Variants in SLC14A2 observed in about 807,000 individuals in gnomAD.
The protein encoded by SLC14A2 is solute carrier family 14 member 2, also known as urea transporter 2.
SLC14A2 carries 91 observed loss-of-function variants against 104.6 expected under a neutral mutation model. That is an observed-to-expected ratio of 0.87 (90% CI 0.73 to 1.04). The LOEUF is 1.04. Ranked by LOEUF, SLC14A2 falls within the 50% of genes least tolerant of loss-of-function variation. SLC14A2 has a pLI of 0.00. For synonymous variants in SLC14A2, 476 were observed against 466.4 expected (o/e 1.02, Z -0.27); for missense variants, 1,189 against 1,156.0 (o/e 1.03, Z -0.41).
At chr18:45,667,173 G>T in intron 13 of SLC14A2, 79 bp downstream of exon 13, 1 of 1,191,340 alleles carries the variant, frequency 8.4e-7, no homozygotes, top group South Asian at 1.4e-5. Context: ...CATTGCCATG[G>T]GGGTTCCCTA....
At chr18:45,514,605 G>C (rs972315485) in intron 2 of SLC14A2, among the ~76,000 whole-genome samples, 4 of 152,156 alleles carry the variant, frequency 2.6e-5, no homozygotes, top group Admixed American at 6.6e-5. Context: ...GCCTACATTA[G>C]GTGAGCATCC....
rs529920929 is a variant in SLC14A2, at chr18:45,444,326, C to T, written c.-124-38907C>T. Among the ~76,000 whole-genome samples, 18 of 152,272 alleles carry T rather than the reference C, an allele frequency of 1.2e-4. No homozygotes were observed. In the South Asian group the frequency reaches 3.5e-3, roughly 30 times the overall value. On this transcript the variant is annotated intron_variant, in intron 1 of 20. Transcript: ENST00000586448. ...TCTGTAAAGTGAGTGGATGCACTAC[C>T]TTCTCCCTGTGGACCCTGCCAGTTC... is the stretch of plus-strand genomic sequence containing the variant.
At chr18:45,568,296 T>A (rs2044295649) in intron 2 of SLC14A2, among the ~76,000 whole-genome samples, 1 of 152,234 alleles carries the variant, frequency 6.6e-6, no homozygotes, top group Non-Finnish European at 1.5e-5. Context: ...ATGAGCTCTA[T>A]GGGCACAGCC....
At position 45,632,382 on chromosome 18, in the gene SLC14A2, A is replaced by G; in HGVS notation, c.554A>G (p.Asn185Ser). The change falls in exon 5 of 20, where the codon AAC becomes AGC. Residue 185 changes from asparagine to serine, a missense_variant. By Grantham distance (46) the Asn-to-Ser change is conservative. Coordinates refer to ENST00000255226, the MANE Select transcript of SLC14A2 (RefSeq NM_007163.4). ...SAIASGLHGY[N>S]GMLVGLLMAV... ...ATTGCCTCAGGACTCCATGGGTACA[A>G]CGGGATGCTGGTGGGACTGCTGATG... 6.2e-7 allele frequency: 1 copy of G among 1,614,044 alleles called. No homozygotes were observed. The highest frequency in any genetic ancestry group is 1.1e-5 in the South Asian group (1 of 91,064).
intron 1 of SLC14A2, among the ~76,000 whole-genome samples, chr18:45,223,515 T>A (rs1035098725): frequency 6.6e-6 from 1 of 152,172 alleles, no homozygotes; most frequent in Non-Finnish European, 1.5e-5. Context: ...TAATGGATAG[T>A]CAGAGAGGAA....
chr18:45,589,533 CTTTT>C (rs775689932), intron 2 of SLC14A2, among the ~76,000 whole-genome samples: 3 of 142,504 alleles, frequency 2.1e-5, no homozygotes, highest in South Asian at 4.6e-4. Flanking sequence ...CCCCACTCCC[CTTTT>C]TTTATTTGGA....
At chr18:45,674,144 C>CA (rs2046188884) in intron 18 of SLC14A2, among the ~76,000 whole-genome samples, 2 of 152,202 alleles carry the variant, frequency 1.3e-5, no homozygotes, top group African/African-American at 4.8e-5. Flanking sequence ...ACAGACCCTT[C>CA]AAATGACTCC....
Position 45,643,030 on chromosome 18 carries a change from G to A in SLC14A2, c.1127-102G>A, listed in dbSNP as rs2045555900. On this transcript the variant is annotated intron_variant, in intron 8 of 19. Coordinates refer to ENST00000255226, the MANE Select transcript of SLC14A2 (RefSeq NM_007163.4). ...AGAATCTGAGGCTGCAGGAGAGAGG[G>A]TGGGGCTCCTGTTCTTGGTCTGGGC... The A allele has an allele frequency of 1.3e-5, 13 of 966,570 alleles. No homozygotes were observed. In the Admixed American group the frequency reaches 1.8e-4, roughly 13 times the overall value. 59.9% of individuals were successfully genotyped at this position (966,570 alleles called of 1,614,324 possible). A position where few individuals can be genotyped will look rare whatever the true frequency, so the allele number is the denominator to read the frequency against.
At chr18:45,414,791 TATATAG>T (rs1465939170) in intron 1 of SLC14A2, among the ~76,000 whole-genome samples, 1 of 115,270 alleles carries the variant, frequency 8.7e-6, no homozygotes, top group Non-Finnish European at 1.8e-5. Flanking sequence ...TATATATATA[TATATAG>T]AAAAGTACAG....
chr18:45,175,015 T>C, the SLC14A2 span, among the ~76,000 whole-genome samples: 12 of 152,104 alleles, frequency 7.9e-5, no homozygotes, highest in Non-Finnish European at 1.5e-4. Flanking sequence ...TTTTAGACAT[T>C]GCTGGTGGGA....
rs568501853 is a variant in SLC14A2 at position 45,459,399 on chromosome 18, T to C, written c.-124-23834T>C. On this transcript the variant is annotated intron_variant, in intron 1 of 20. Coordinates refer to the SLC14A2 transcript ENST00000586448. ...GTGCTGTTGTGCCCTCACCTCCCTATTTCAAAGAGACTTTACCCTTCAGAG... is the reference window on the plus strand; with the variant it reads ...GTGCTGTTGTGCCCTCACCTCCCTACTTCAAAGAGACTTTACCCTTCAGAG... 8.5e-5 allele frequency among the ~76,000 whole-genome samples: 13 copies of C among 152,266 alleles called. No individual in the cohort carries two copies. The South Asian group carries it at 2.5e-3, about 29-fold the overall frequency.
chr18:45,570,940 T>C (rs2044336621), intron 2 of SLC14A2, among the ~76,000 whole-genome samples: 1 of 152,228 alleles, frequency 6.6e-6, no homozygotes, highest in Admixed American at 6.5e-5. Flanking sequence ...GCCATGCATG[T>C]AGTAGGCACT....
rs542444782 is a variant in SLC14A2 at position 45,423,332 on chromosome 18, A to G, written c.-124-59901A>G. 7.2e-5 allele frequency among the ~76,000 whole-genome samples: 11 copies of G among 152,338 alleles called. No homozygotes were observed. The South Asian group carries it at 2.3e-3, about 32-fold the overall frequency. On this transcript the variant is annotated intron_variant, in intron 1 of 20. Transcript: ENST00000586448. ...ATAGTCAGGAAGCAGTAGCTGAAGT[A>G]CAGAGAAATCTCTGCGACAGTTTGA... is the stretch of plus-strand genomic sequence containing the variant.
chr18:45,321,323 AT>A (rs1252498680), intron 1 of SLC14A2, among the ~76,000 whole-genome samples: 3 of 152,252 alleles, frequency 2.0e-5, no homozygotes, highest in African/African-American at 4.8e-5. Flanking sequence ...ATCCAGAAAT[AT>A]TGTCATACGA....
In SLC14A2 at chr18:45,379,775, C is replaced by T. The variant is rs530759737; in HGVS notation, c.-124-103458C>T. On this transcript the variant is annotated intron_variant, in intron 1 of 20. Transcript: ENST00000586448. ...AATCCTCCCCACTGAGTCTCCCGTC[C>T]TCTAATTTTGTTGTTATCCCAGAAC... Among the ~76,000 whole-genome samples, 368 of 152,288 alleles carry T rather than the reference C, an allele frequency of 2.4e-3. 1 individual carries two copies. Among genetic ancestry groups the T allele is most frequent in the African/African-American group, 8.5e-3 (352 of 41,566 alleles).
At chr18:45,516,580 G>A (rs1020199216) in intron 2 of SLC14A2, among the ~76,000 whole-genome samples, 1 of 152,180 alleles carries the variant, frequency 6.6e-6, no homozygotes, top group African/African-American at 2.4e-5. Flanking sequence ...ATATGCAGGG[G>A]AGGAGATTCC....
At position 45,666,214 on chromosome 18, in the gene SLC14A2, C is replaced by G. The variant is rs1380789776; in HGVS notation, c.1552C>G (p.Leu518Val). The change falls in exon 12 of 20, where the codon CTG (leucine) becomes GTG (valine). Residue 518 changes from leucine to valine, a missense_variant. Leu to Val is a conservative substitution (Grantham distance 32). Transcript: ENST00000255226. Reference sequence around the variant, plus strand: ...TCGATACCGGAAGCCCACAGTCGAGCTGCTTGTGAGTACTGAGTGTCCTGA... The same window carrying G: ...TCGATACCGGAAGCCCACAGTCGAGGTGCTTGTGAGTACTGAGTGTCCTGA... ...PYRYRKPTVE[L>V]LDLDTMEESS... The G allele has an allele frequency of 2.5e-6, 4 of 1,609,328 alleles. No homozygotes were observed. The highest frequency in any genetic ancestry group is 3.4e-6 in the Non-Finnish European group (4 of 1,175,746).
At chr18:45,419,847 T>C (rs1451814028) in intron 1 of SLC14A2, among the ~76,000 whole-genome samples, 1 of 152,166 alleles carries the variant, frequency 6.6e-6, no homozygotes, top group Non-Finnish European at 1.5e-5. Flanking sequence ...CCTTTGCACT[T>C]TCAGTAGAGT....
intron 5 of SLC14A2, among the ~76,000 whole-genome samples, chr18:45,636,195 T>G (rs1470254667): frequency 6.6e-6 from 1 of 152,214 alleles, no homozygotes. Context: ...TCATGGTCAT[T>G]CATTAAAAGC....
Sources: allele counts gnomAD v4.1 joint callset (sites outside exome capture counted in the v4.1 genomes callset), GRCh38; gene constraint gnomAD v4.1.1; transcripts MANE v1.5; gene names NCBI Gene and HGNC (gene_info 2026-07-23, HGNC 2026-07-21).